ITGB8: variants seen among roughly 807,000 people sequenced by gnomAD.
ITGB8 encodes the protein integrin beta-8.
A neutral mutation model predicts 89.5 loss-of-function variants in ITGB8; 30 were observed. That is an observed-to-expected ratio of 0.34 (90% CI 0.25 to 0.45). The LOEUF (loss-of-function observed/expected upper bound fraction) is 0.45. ITGB8 is among the 20% of genes least tolerant of loss of function. The probability of loss-of-function intolerance (pLI) is 1.00; values close to 1 mark genes in which losing one functional copy is unlikely to be tolerated. For synonymous variants in ITGB8, 335 were observed against 320.4 expected (o/e 1.05, Z -0.49); for missense variants, 836 against 933.3 (o/e 0.90, Z 1.36).
At chr7:20,391,341 A>G in intron 6 of ITGB8, 62 bp from the exon 7 acceptor site, 3 of 800,546 alleles carry the variant, frequency 3.7e-6, no homozygotes, top group East Asian at 2.7e-5. Context: ...TTCATATTAG[A>G]TGTTTGAATA....
intron 1 of ITGB8, among the ~76,000 whole-genome samples, chr7:20,340,427 A>G (rs1180534253): frequency 6.6e-6 from 1 of 152,170 alleles, no homozygotes. Flanking sequence ...AAAACTAGAA[A>G]TATTCCAGCT....
intron 1 of ITGB8, among the ~76,000 whole-genome samples, chr7:20,347,049 C>T (rs968175840): frequency 3.0e-4 from 46 of 152,176 alleles, no homozygotes; most frequent in African/African-American, 1.0e-3. Flanking sequence ...TGTGGGAACT[C>T]GTCTGTCCCT....
At chr7:20,330,171 G>A (rs1784326260), upstream of ITGB8, among the ~76,000 whole-genome samples, 1 of 152,212 alleles carries the variant, frequency 6.6e-6, no homozygotes, top group Non-Finnish European at 1.5e-5. Flanking sequence ...AGCAGAGAAG[G>A]AGCAGCGAGA....
chr7:20,336,000 C>CTTTTTTTTTTTT lies in ITGB8; in HGVS notation c.127+4079_127+4090dup, dbSNP rs201113693. On this transcript the variant is annotated intron_variant, in intron 1 of 13. Coordinates refer to ENST00000222573, the MANE Select transcript of ITGB8 (RefSeq NM_002214.3). ...ACTTCTCTGATCCAGTCTTGGTTTTCTTTTTTTTTTTTTTTTTTTTTTTGA... is the reference window on the plus strand; with the variant it reads ...ACTTCTCTGATCCAGTCTTGGTTTTCTTTTTTTTTTTTTTTTTTTTTTTTTTTTTTTTTTTGA... Among the ~76,000 whole-genome samples, 5 of 96,398 alleles carry CTTTTTTTTTTTT rather than the reference C, an allele frequency of 5.2e-5. 1 individual carries two copies. Among genetic ancestry groups the CTTTTTTTTTTTT allele is most frequent in the Non-Finnish European group, 9.5e-5 (5 of 52,508 alleles). The allele number at this position is 96,398 out of a possible 152,430, so 63.2% of individuals were successfully genotyped here. A position where few individuals can be genotyped will look rare whatever the true frequency, so the allele number is the denominator to read the frequency against.
At position 20,410,156 on chromosome 7, in the gene ITGB8, G is replaced by C; in HGVS notation, c.*159G>C. ...GACTGACAAGTATCCTCATCATGAT[G>C]TGACTCACATAGCTGCTGACTTTTT... On this transcript the variant is annotated 3_prime_UTR_variant, in exon 14 of 14. Transcript: ENST00000222573. 1.5e-6 allele frequency: 1 copy of C among 689,388 alleles called. No individual in the cohort carries two copies. Among genetic ancestry groups the C allele is most frequent in the Non-Finnish European group, 2.4e-6 (1 of 410,326 alleles). The allele number at this position is 689,388 out of a possible 1,614,324, so 42.7% of individuals were successfully genotyped here. A position where few individuals can be genotyped will look rare whatever the true frequency, so the allele number is the denominator to read the frequency against.
At chr7:20,379,714 A>C (rs1786298483) in intron 4 of ITGB8, 1 of 152,548 alleles carries the variant, frequency 6.6e-6, no homozygotes, top group Non-Finnish European at 1.5e-5. Context: ...CACGTCATCT[A>C]TCTCTCCATT....
intron 10 of ITGB8, among the ~76,000 whole-genome samples, chr7:20,404,341 T>A (rs992870178): frequency 1.3e-5 from 2 of 152,242 alleles, no homozygotes; most frequent in Non-Finnish European, 2.9e-5. Flanking sequence ...TAAAACGGAA[T>A]ATGCAATGAC....
chr7:20,394,942 C>T lies in ITGB8; in HGVS notation c.1103C>T (p.Ser368Leu). The T allele has an allele frequency of 6.2e-7, 1 of 1,613,554 alleles. No individual in the cohort carries two copies. Among genetic ancestry groups the T allele is most frequent in the South Asian group, 1.1e-5 (1 of 91,068 alleles). ...LPGTIAGEIE[S>L]KAANLNNLVV... is the part of the protein sequence containing the mutation. ...GGCACCATTGCTGGTGAAATAGAAT[C>T]AAAGGCTGCAAACCTCAATAATTTG... is the stretch of plus-strand genomic sequence containing the variant. The change falls in exon 8 of 14, where the codon TCA becomes TTA. Residue 368 changes from serine to leucine, a missense_variant. Physicochemically the swap from Ser to Leu is moderately radical, Grantham distance 145 (BLOSUM62 -2). Around this residue, in one of 5 missense-constraint regions of ITGB8, gnomAD observed 192 missense variants for 267.1 expected, o/e 0.72. Transcript: ENST00000222573.
intron 1 of ITGB8, among the ~76,000 whole-genome samples, chr7:20,340,343 T>G (rs544085324): frequency 1.3e-4 from 20 of 152,264 alleles, no homozygotes; most frequent in African/African-American, 4.1e-4. Context: ...CAAGGGCTAG[T>G]TCAAGTCAAA....
At chr7:20,375,192 T>C (rs1206927357) in intron 3 of ITGB8, among the ~76,000 whole-genome samples, 1 of 152,108 alleles carries the variant, frequency 6.6e-6, no homozygotes, top group African/African-American at 2.4e-5. Flanking sequence ...TTTGAAATTC[T>C]ACATTCATAA....
intron 3 of ITGB8, among the ~76,000 whole-genome samples, chr7:20,377,088 T>C (rs12700186): frequency 0.38 from 57,495 of 151,918 alleles, 11,329 homozygotes; most frequent in Non-Finnish European, 0.43. Flanking sequence ...GGGCCCTGAA[T>C]AGCTTACCTC....
At chr7:20,408,213 G>A (rs773976134) in intron 12 of ITGB8, among the ~76,000 whole-genome samples, 6 of 152,052 alleles carry the variant, frequency 3.9e-5, no homozygotes, top group African/African-American at 1.2e-4. Flanking sequence ...TTATGAGCCC[G>A]AAGTCACTGT....
intron 10 of ITGB8, 120 bp from the exon 11 acceptor site, chr7:20,404,508 G>A: frequency 1.3e-6 from 1 of 786,232 alleles, no homozygotes; most frequent in Non-Finnish European, 2.1e-6. Flanking sequence ...AAGTGATGCT[G>A]TTCCCATTCA....
intron 1 of ITGB8, among the ~76,000 whole-genome samples, chr7:20,337,256 A>G (rs1465706457): frequency 1.3e-5 from 2 of 152,176 alleles, no homozygotes; most frequent in Admixed American, 6.5e-5. Flanking sequence ...CAAAAACTGG[A>G]ATTTGTAGTC....
chr7:20,414,177 T>C lies in ITGB8; in HGVS notation c.*4180T>C, dbSNP rs1787858648. The C allele has an allele frequency of 6.6e-6, 1 of 152,132 alleles. No homozygotes were observed. The highest frequency in any genetic ancestry group is 1.5e-5 in the Non-Finnish European group (1 of 67,962). The allele number at this position is 152,132 out of a possible 1,614,324, so 9.4% of individuals were successfully genotyped here. A position where few individuals can be genotyped will look rare whatever the true frequency, so the allele number is the denominator to read the frequency against. ...AACTTTACCTAAATGTTTATGCATC[T>C]AGGCAAATTTTGTTTTCTTATAAAG... On this transcript the variant is annotated 3_prime_UTR_variant, in exon 14 of 14. Coordinates refer to ENST00000222573, the MANE Select transcript of ITGB8 (RefSeq NM_002214.3).
Position 20,402,117 on chromosome 7 carries a change from C to A in ITGB8, c.1678C>A (p.Leu560Met). 1 of 1,610,304 alleles carries A rather than the reference C, an allele frequency of 6.2e-7. No individual in the cohort carries two copies. Among genetic ancestry groups the A allele is most frequent in the Non-Finnish European group, 8.5e-7 (1 of 1,178,064 alleles). ...TTCTTGTCCATATCACCATGGAAAT[C>A]TGTGTGCTGGTGAGTATAAATATAT... is the stretch of plus-strand genomic sequence containing the variant. The part of the protein sequence containing the change: ...DFSCPYHHGN[L>M]CAGHGECEAG... Residue 560 changes from leucine (L) to methionine (M), a missense_variant, in exon 10 of 14, where the codon CTG becomes ATG. This residue lies in a region of ITGB8 where 422 missense variants were observed against 416.9 expected (regional missense o/e 1.01). Transcript: ENST00000222573.
At chr7:20,381,485 G>T in intron 5 of ITGB8, 1 of 377,268 alleles carries the variant, frequency 2.7e-6, no homozygotes, top group Non-Finnish European at 4.7e-6. Context: ...AATCTATATT[G>T]TTCTTCCTCC....
At chr7:20,360,357 T>TTTTTTTTG (rs1200621720) in intron 1 of ITGB8, among the ~76,000 whole-genome samples, 1 of 149,946 alleles carries the variant, frequency 6.7e-6, no homozygotes, top group Non-Finnish European at 1.5e-5. Flanking sequence ...AATTTTTTTT[T>TTTTTTTTG]TTTTACTTGA....
chr7:20,329,975 G>A (rs978941299), upstream of ITGB8, among the ~76,000 whole-genome samples: 2 of 152,162 alleles, frequency 1.3e-5, no homozygotes, highest in South Asian at 2.1e-4. Flanking sequence ...CAAGCAGGCA[G>A]AAGTGCCTTC....
Sources: gnomAD v4.1 joint callset for allele counts (sites outside exome capture counted in the v4.1 genomes callset) on GRCh38, gnomAD v4.1.1 for gene constraint, gnomAD v4.1.1 regional missense constraint, MANE v1.5 for transcripts, NCBI Gene and HGNC (gene_info 2026-07-23, HGNC 2026-07-21) for gene names.